Variants in BCKDHB observed in about 807,000 individuals in gnomAD.
BCKDHB encodes the protein branched chain keto acid dehydrogenase E1 subunit beta.
In BCKDHB, 41 loss-of-function variants were observed where a neutral mutation model predicts 48.5. The ratio of observed to expected loss-of-function variants is 0.85; its 90% confidence interval spans 0.66 to 1.10. The LOEUF is 1.10. Ranked by LOEUF, BCKDHB falls within the 50% of genes least tolerant of loss-of-function variation. BCKDHB has a pLI of 0.00. For missense variants in BCKDHB, 496 were observed against 494.2 expected, an observed-to-expected ratio of 1.00 and a Z score of -0.03; for synonymous variants, 201 against 174.8, an observed-to-expected ratio of 1.15 and a Z score of -1.18.
the BCKDHB span, among the ~76,000 whole-genome samples, chr6:80,455,589 T>C: frequency 6.6e-6 from 1 of 151,122 alleles, no homozygotes; most frequent in African/African-American, 2.4e-5. Flanking sequence ...TTCACTGTTA[T>C]TTCAGTACCC....
chr6:80,425,206 G>A, the BCKDHB span, among the ~76,000 whole-genome samples: 1 of 152,038 alleles, frequency 6.6e-6, no homozygotes, highest in Non-Finnish European at 1.5e-5. Flanking sequence ...CCTGTGTAAG[G>A]GACTTAACTA....
chr6:80,425,536 A>G, the BCKDHB span, among the ~76,000 whole-genome samples: 7 of 152,212 alleles, frequency 4.6e-5, no homozygotes, highest in Admixed American at 4.6e-4. Flanking sequence ...TCATTTCACA[A>G]GCAGTATTTA....
chr6:80,228,034 A>G (rs111911787), intron 8 of BCKDHB, among the ~76,000 whole-genome samples: 235 of 152,326 alleles, frequency 1.5e-3, no homozygotes, highest in Non-Finnish European at 2.4e-3. Flanking sequence ...AGTCTTCCAA[A>G]TAACTTATAA....
chr6:80,363,223 A>G, the BCKDHB span, among the ~76,000 whole-genome samples: 2 of 152,204 alleles, frequency 1.3e-5, no homozygotes, highest in Non-Finnish European at 2.9e-5. Flanking sequence ...CAATGAAAGC[A>G]AAAGTAATTT....
intron 8 of BCKDHB, among the ~76,000 whole-genome samples, chr6:80,243,486 A>T (rs891864983): frequency 4.6e-5 from 7 of 152,232 alleles, no homozygotes; most frequent in African/African-American, 1.7e-4. Context: ...TAAATTAAGT[A>T]TTGTTTGACA....
chr6:80,334,728 T>C (rs1352196741), intron 9 of BCKDHB, among the ~76,000 whole-genome samples: 1 of 151,932 alleles, frequency 6.6e-6, no homozygotes, highest in Non-Finnish European at 1.5e-5. Flanking sequence ...CTCCCCCTTT[T>C]CTTGTCTTTT....
At chr6:80,413,924 C>A in the BCKDHB span, among the ~76,000 whole-genome samples, 307 of 152,132 alleles carry the variant, frequency 2.0e-3, 1 homozygote, top group Non-Finnish European at 3.4e-3. Context: ...CGAATGTTGC[C>A]TAGGCATTCA....
chr6:80,323,976 G>T (rs887513686), intron 9 of BCKDHB, among the ~76,000 whole-genome samples: 4 of 152,110 alleles, frequency 2.6e-5, no homozygotes, highest in Admixed American at 2.0e-4. Flanking sequence ...GTTTCACCGT[G>T]TTAGCCAGGG....
chr6:80,141,183 T>G (rs1771189893), intron 3 of BCKDHB, among the ~76,000 whole-genome samples: 1 of 152,120 alleles, frequency 6.6e-6, no homozygotes, highest in African/African-American at 2.4e-5. Context: ...GTCTATTCGA[T>G]TCTTCTCTCT....
chr6:80,272,860 T>C (rs1278913905), intron 8 of BCKDHB, among the ~76,000 whole-genome samples: 1 of 151,928 alleles, frequency 6.6e-6, no homozygotes, highest in African/African-American at 2.4e-5. Flanking sequence ...CTTACAATAA[T>C]GGGTATGCAT....
chr6:80,375,825 C>G, the BCKDHB span, among the ~76,000 whole-genome samples: 1 of 152,148 alleles, frequency 6.6e-6, no homozygotes, highest in Non-Finnish European at 1.5e-5. Context: ...TGTTCAGATT[C>G]TTTTTTCCCA....
the BCKDHB span, among the ~76,000 whole-genome samples, chr6:80,409,777 T>C: frequency 6.6e-6 from 1 of 151,536 alleles, no homozygotes; most frequent in Non-Finnish European, 1.5e-5. Context: ...ATTTACTTCA[T>C]AGATTTTCCT....
the BCKDHB span, among the ~76,000 whole-genome samples, chr6:80,439,393 G>A: frequency 2.6e-5 from 4 of 152,138 alleles, no homozygotes; most frequent in African/African-American, 9.7e-5. Flanking sequence ...AAAAGGCAAT[G>A]TTTATATATA....
At chr6:80,336,496 C>CAAAAAAA (rs1769599756) in intron 9 of BCKDHB, among the ~76,000 whole-genome samples, 9 of 142,462 alleles carry the variant, frequency 6.3e-5, no homozygotes, top group African/African-American at 1.8e-4. Flanking sequence ...CAAAAAAAAC[C>CAAAAAAA]AAAAAAACAA....
chr6:80,418,062 A>G, the BCKDHB span, among the ~76,000 whole-genome samples: 4 of 151,648 alleles, frequency 2.6e-5, no homozygotes, highest in East Asian at 3.9e-4. Context: ...TTGTCTCACT[A>G]TCTTGTTTCA....
At chr6:80,115,624 G>A (rs1769651064) in intron 1 of BCKDHB, among the ~76,000 whole-genome samples, 1 of 151,206 alleles carries the variant, frequency 6.6e-6, no homozygotes, top group Non-Finnish European at 1.5e-5. Flanking sequence ...TACGCACTGC[G>A]ATAAATGCTG....
intron 9 of BCKDHB, among the ~76,000 whole-genome samples, chr6:80,328,512 G>T (rs1449767159): frequency 6.6e-6 from 1 of 152,158 alleles, no homozygotes; most frequent in African/African-American, 2.4e-5. Flanking sequence ...AACATAAAAA[G>T]TTAGCTGATT....
At chr6:80,248,932 G>A (rs73748761) in intron 8 of BCKDHB, among the ~76,000 whole-genome samples, 2,911 of 151,080 alleles carry the variant, frequency 0.019, 84 homozygotes, top group African/African-American at 0.067. Flanking sequence ...GTGTGTGTAT[G>A]TGTATTGTGT....
intron 9 of BCKDHB, among the ~76,000 whole-genome samples, chr6:80,302,144 G>T (rs1175591407): frequency 6.6e-6 from 1 of 152,032 alleles, no homozygotes; most frequent in Non-Finnish European, 1.5e-5. Context: ...TGGAAGTCCT[G>T]GCCAGAGCAA....
Sources: gnomAD v4.1 joint callset for allele counts (sites outside exome capture counted in the v4.1 genomes callset) on GRCh38, gnomAD v4.1.1 for gene constraint, MANE v1.5 for transcripts, NCBI Gene and HGNC (gene_info 2026-07-23, HGNC 2026-07-21) for gene names.